The following MID1 variants were observed in gnomAD, a reference collection of about 807,000 sequenced individuals.
The protein encoded by MID1 is E3 ubiquitin-protein ligase Midline-1.
A neutral mutation model predicts 40.4 loss-of-function variants in MID1; 7 were observed. That is an observed-to-expected ratio of 0.17 (90% CI 0.10 to 0.33). MID1 has a LOEUF of 0.33. Ranked by LOEUF, MID1 falls within the 10% of genes least tolerant of loss-of-function variation. The probability of loss-of-function intolerance (pLI) is 1.00; values close to 1 mark genes in which losing one functional copy is unlikely to be tolerated. For synonymous variants in MID1, 229 were observed against 221.2 expected (o/e 1.04, Z -0.31); for missense variants, 367 against 558.5 (o/e 0.66, Z 3.46).
chrX:10,452,825 T>A (rs1315387172), intron 9 of MID1, among the ~76,000 whole-genome samples: 1 of 111,835 alleles, frequency 8.9e-6, no homozygotes, highest in Non-Finnish European at 1.9e-5. Context: ...TGATGTGTGT[T>A]TATATAACTG....
chrX:10,477,185 A>T (rs754837210), intron 5 of MID1, among the ~76,000 whole-genome samples: 102 of 112,991 alleles, frequency 9.0e-4, no homozygotes, highest in African/African-American at 3.2e-3. Flanking sequence ...CAAACTTGCA[A>T]TTGCATTTCC....
chrX:10,533,386 G>GA (rs767265516), intron 2 of MID1, among the ~76,000 whole-genome samples: 221 of 51,969 alleles, frequency 4.3e-3, no homozygotes, highest in Middle Eastern at 0.011. Flanking sequence ...GAAAAAGAAA[G>GA]AAAGAAAAGA....
At chrX:10,796,663 C>T (rs1331590269) in intron 1 of MID1, among the ~76,000 whole-genome samples, 3 of 110,271 alleles carry the variant, frequency 2.7e-5, no homozygotes, top group Non-Finnish European at 5.7e-5. Flanking sequence ...AAAGAATATG[C>T]TTCATCCGAG....
At chrX:10,717,773 C>A (rs1200885930) in intron 1 of MID1, among the ~76,000 whole-genome samples, 1 of 111,176 alleles carries the variant, frequency 9.0e-6, no homozygotes, top group African/African-American at 3.3e-5. Flanking sequence ...ACACCTATTC[C>A]AAAATTGACC....
intron 1 of MID1, among the ~76,000 whole-genome samples, chrX:10,672,858 AT>A (rs1259161886): frequency 9.2e-6 from 1 of 108,772 alleles, no homozygotes; most frequent in East Asian, 2.9e-4. Flanking sequence ...TTAACTTTTT[AT>A]TTTTTTTGCA....
intron 2 of MID1, among the ~76,000 whole-genome samples, chrX:10,535,838 C>T (rs1444365199): frequency 2.7e-5 from 3 of 111,955 alleles, no homozygotes; most frequent in Admixed American, 9.5e-5. Context: ...CACTTTCAAA[C>T]GTCAACTCAG....
rs367932687 is a variant in MID1 at position 10,449,394 on chromosome X, A to G, written c.1978T>C (p.Leu660=). The G allele has an allele frequency of 3.3e-6, 4 of 1,209,442 alleles. No homozygotes were observed. In the African/African-American group the frequency reaches 5.3e-5, roughly 16 times the overall value. The change falls in exon 10 of 10, where the codon TTG becomes CTG. Residue 660 remains leucine, a synonymous_variant. Coordinates refer to ENST00000317552, the MANE Select transcript of MID1 (RefSeq NM_000381.4). Reference sequence around the variant, plus strand: ...CACGGCAGCTGCTCTGTGCAGTCCAAATGGTCTGGGATAGGGAGCCCAGTG... The same window carrying G: ...CACGGCAGCTGCTCTGTGCAGTCCAGATGGTCTGGGATAGGGAGCCCAGTG... ...IITGLPIPDH[L]DCTEQLP
At chrX:10,739,134 A>C (rs904368827) in intron 1 of MID1, among the ~76,000 whole-genome samples, 11 of 111,702 alleles carry the variant, frequency 9.8e-5, no homozygotes, top group Admixed American at 7.6e-4. Flanking sequence ...GTGTGTTGAG[A>C]AGCGGGTCAA....
At chrX:10,618,371 A>G (rs1935874782) in intron 1 of MID1, among the ~76,000 whole-genome samples, 1 of 111,911 alleles carries the variant, frequency 8.9e-6, no homozygotes, top group Non-Finnish European at 1.9e-5. Context: ...CCATGCCAAT[A>G]ACACTGCCAT....
At chrX:10,531,929 A>G (rs1229001773) in intron 2 of MID1, among the ~76,000 whole-genome samples, 2 of 112,363 alleles carry the variant, frequency 1.8e-5, no homozygotes, top group African/African-American at 6.5e-5. Flanking sequence ...ACATGAAGCT[A>G]TATTACTAGA....
intron 1 of MID1, among the ~76,000 whole-genome samples, chrX:10,695,880 A>G (rs749949395): frequency 8.3e-4 from 93 of 112,044 alleles, no homozygotes; most frequent in Non-Finnish European, 1.4e-3. Context: ...GAAAAAAAGC[A>G]AAATATCTCC....
intron 1 of MID1, among the ~76,000 whole-genome samples, chrX:10,660,888 A>C (rs1318742643): frequency 2.7e-5 from 3 of 112,368 alleles, no homozygotes; most frequent in Non-Finnish European, 5.6e-5. Flanking sequence ...TTAATGATCT[A>C]AGTGTTGTTT....
At chrX:10,639,113 G>A (rs1187431225) in intron 1 of MID1, among the ~76,000 whole-genome samples, 2 of 112,386 alleles carry the variant, frequency 1.8e-5, no homozygotes, top group Non-Finnish European at 3.7e-5. Flanking sequence ...CTCCTCCAAA[G>A]GAACGCAGGT....
At chrX:10,522,771 C>T (rs1932762071) in intron 3 of MID1, among the ~76,000 whole-genome samples, 1 of 112,046 alleles carries the variant, frequency 8.9e-6, no homozygotes, top group Non-Finnish European at 1.9e-5. Flanking sequence ...GCTGGGGTTA[C>T]AGGCGTGAGC....
intron 1 of MID1, among the ~76,000 whole-genome samples, chrX:10,706,755 G>A (rs1331982711): frequency 1.8e-5 from 2 of 111,435 alleles, no homozygotes; most frequent in African/African-American, 6.5e-5. Context: ...TGTAGAGTCT[G>A]ACATACAACC....
intron 1 of MID1, among the ~76,000 whole-genome samples, chrX:10,595,555 A>G (rs1260785585): frequency 2.7e-5 from 3 of 111,833 alleles, no homozygotes; most frequent in Non-Finnish European, 5.6e-5. Flanking sequence ...TAAAATTTAA[A>G]AACATTAAAA....
At chrX:10,690,669 C>A (rs1238272617) in intron 1 of MID1, among the ~76,000 whole-genome samples, 1 of 111,563 alleles carries the variant, frequency 9.0e-6, no homozygotes, top group Non-Finnish European at 1.9e-5. Flanking sequence ...CCTGTGTGAT[C>A]TTGGGTGAAT....
chrX:10,588,047 G>T (rs929854386), intron 1 of MID1, among the ~76,000 whole-genome samples: 15 of 111,970 alleles, frequency 1.3e-4, no homozygotes, highest in African/African-American at 3.9e-4. Context: ...TTATTTTAAT[G>T]TCCAGTTCAC....
rs1329646117 is a variant in MID1, at chrX:10,567,600, C to G, written c.-53G>C. The G allele has an allele frequency of 7.6e-6, 9 of 1,190,561 alleles. No homozygotes were observed. The highest frequency in any genetic ancestry group is 1.0e-5 in the Non-Finnish European group (9 of 876,528). The stretch of plus-strand genomic sequence containing the variant: ...AGCAAAACCCAAGGAAGCTGATCAG[C>G]TATCTGGAAACAAGAATGTAAGATT... On this transcript the variant is annotated 5_prime_UTR_variant, in exon 2 of 10. Transcript: ENST00000317552.
Sources: allele counts gnomAD v4.1 joint callset (sites outside exome capture counted in the v4.1 genomes callset), GRCh38; gene constraint gnomAD v4.1.1; transcripts MANE v1.5; gene names NCBI Gene and HGNC (gene_info 2026-07-23, HGNC 2026-07-21).